Variants in CCDC180 observed in about 807,000 individuals in gnomAD.
The protein encoded by CCDC180 is coiled-coil domain-containing protein 180.
Under a neutral mutation model 209.2 loss-of-function variants are expected in CCDC180, and 154 were observed. The observed-to-expected ratio is 0.74, with a 90% confidence interval of 0.65 to 0.84. The LOEUF (loss-of-function observed/expected upper bound fraction) is 0.84. Among genes scored for constraint, CCDC180 ranks in the 40% least tolerant of loss-of-function variants. The pLI, the probability that CCDC180 is intolerant of heterozygous loss-of-function variation, is 0.00. For missense variants in CCDC180, 1,874 were observed against 1,997.3 expected, an observed-to-expected ratio of 0.94 and a Z score of 1.18; for synonymous variants, 778 against 749.1, an observed-to-expected ratio of 1.04 and a Z score of -0.63.
intron 22 of CCDC180, among the ~76,000 whole-genome samples, chr9:97,354,329 T>C (rs1826504138): frequency 6.6e-6 from 1 of 152,196 alleles, no homozygotes; most frequent in African/African-American, 2.4e-5. Context: ...GCTATTTTTA[T>C]TTCGAATTTT....
At chr9:97,353,044 T>A (rs905085291) in intron 22 of CCDC180, among the ~76,000 whole-genome samples, 1 of 152,082 alleles carries the variant, frequency 6.6e-6, no homozygotes, top group Non-Finnish European at 1.5e-5. Flanking sequence ...TCACCCAGGC[T>A]GGAATGCAGT....
intron 12 of CCDC180, 88 bp downstream of exon 12, chr9:97,323,009 TC>T: frequency 1.0e-6 from 1 of 957,326 alleles, no homozygotes; most frequent in Non-Finnish European, 1.6e-6. Context: ...TGCCTTCCCC[TC>T]CCCAGCTATG....
intron 18 of CCDC180, among the ~76,000 whole-genome samples, chr9:97,337,554 A>G (rs1179605373): frequency 6.6e-6 from 1 of 152,022 alleles, no homozygotes; most frequent in Non-Finnish European, 1.5e-5. Context: ...GTGCTGCTGG[A>G]TTCGTTTTGC....
intron 22 of CCDC180, among the ~76,000 whole-genome samples, chr9:97,353,187 C>T (rs534731241): frequency 2.2e-4 from 34 of 151,960 alleles, no homozygotes; most frequent in Admixed American, 3.9e-4. Context: ...AGTAGAGACA[C>T]GGTTTCACCA....
chr9:97,372,419 T>C (rs1244286620), intron 34 of CCDC180: 2 of 152,202 alleles, frequency 1.3e-5, no homozygotes. Flanking sequence ...AAATTCTGAG[T>C]GTGTAGACGT....
chr9:97,361,102 G>A (rs1324289528), intron 26 of CCDC180, among the ~76,000 whole-genome samples: 1 of 152,156 alleles, frequency 6.6e-6, no homozygotes, highest in Non-Finnish European at 1.5e-5. Flanking sequence ...AGGTCTCCCA[G>A]GACTTCACTC....
Position 97,309,612 on chromosome 9 carries a change from C to A in CCDC180, c.260+8C>A. On this transcript the variant is annotated splice_region_variant and intron_variant, in intron 3 of 36. Transcript: ENST00000529487. ...AAACCCTGTTCTCCACAGGTAGGTC[C>A]TGTTGTCCATGCCTCACCCCCATGC... is the stretch of plus-strand genomic sequence containing the variant. 6.4e-7 allele frequency: 1 copy of A among 1,553,048 alleles called. No homozygotes were observed. Among genetic ancestry groups the A allele is most frequent in the South Asian group, 1.2e-5 (1 of 81,964 alleles).
rs144601057 is a variant in CCDC180 at position 97,362,584 on chromosome 9, G to A, written c.3902+143G>A. On this transcript the variant is annotated intron_variant, in intron 28 of 36. Transcript: ENST00000529487. ...CTGGGACTCCACGGGGCGCAGTGAGGGGTGAGCGCCATCCTTAGTTTGCTG... is the reference window on the plus strand; with the variant it reads ...CTGGGACTCCACGGGGCGCAGTGAGAGGTGAGCGCCATCCTTAGTTTGCTG... The A allele has an allele frequency of 1.1e-3, 1,381 of 1,234,122 alleles. 20 individuals carry two copies. The African/African-American group carries it at 0.019, about 17-fold the overall frequency. The allele number at this position is 1,234,122 out of a possible 1,614,324, so 76.4% of individuals were successfully genotyped here.
At chr9:97,326,304 C>T (rs190486454) in intron 14 of CCDC180, among the ~76,000 whole-genome samples, 128 of 152,278 alleles carry the variant, frequency 8.4e-4, no homozygotes, top group Non-Finnish European at 5.4e-4. Flanking sequence ...CAGGGGGTCC[C>T]ATCTGAGCTG....
At position 97,330,548 on chromosome 9, in the gene CCDC180, C is replaced by T. The variant is rs762826712; in HGVS notation, c.2055C>T (p.Ser685=). The T allele has an allele frequency of 2.5e-6, 4 of 1,613,860 alleles. No individual in the cohort carries two copies. In the African/African-American group the frequency reaches 4.0e-5, roughly 16 times the overall value. ...KSPLHAKMDE[S]KEGSIQGLEE... is the part of the protein sequence containing the mutation. ...CACTGCATGCTAAGATGGATGAGTC[C>T]AAAGAAGGCTCTATTCAGGGACTGG... The change falls in exon 18 of 37, where the codon TCC becomes TCT. Residue 685 remains serine (S), a synonymous_variant. Coordinates refer to ENST00000529487, the MANE Select transcript of CCDC180 (RefSeq NM_020893.6).
At chr9:97,330,066 C>CAAAAAA (rs34372293) in intron 16 of CCDC180, 88 bp from the exon 17 acceptor site, 15 of 582,052 alleles carry the variant, frequency 2.6e-5, no homozygotes, top group African/African-American at 9.5e-5. Context: ...AGACTCCTCT[C>CAAAAAA]AAAAAAAAAA....
chr9:97,307,371 G>A (rs1229725679), upstream of CCDC180: 1 of 507,992 alleles, frequency 2.0e-6, no homozygotes, highest in Admixed American at 2.3e-5. Context: ...TGCCTTGAGA[G>A]GTGCTTTCTG....
Position 97,326,654 on chromosome 9 carries a change from A to G in CCDC180, c.1646A>G (p.Lys549Arg). 1 of 1,609,164 alleles carries G rather than the reference A, an allele frequency of 6.2e-7. No individual in the cohort carries two copies. Among genetic ancestry groups the G allele is most frequent in the African/African-American group, 1.3e-5 (1 of 74,958 alleles). ...FHLEKVKDYL[K>R]NMKSRYECFH... ...CTGGAAAAGGTCAAAGATTATCTGA[A>G]GAACATGAAATCCAGGTAGGCCAAC... Residue 549 changes from lysine (K) to arginine (R), a missense_variant, in exon 15 of 37, where the codon AAG becomes AGG. Coordinates refer to ENST00000529487, the MANE Select transcript of CCDC180 (RefSeq NM_020893.6).
At chr9:97,323,527 C>A (rs1833424415) in intron 12 of CCDC180, among the ~76,000 whole-genome samples, 1 of 152,148 alleles carries the variant, frequency 6.6e-6, no homozygotes, top group Admixed American at 6.5e-5. Context: ...GCCCCCACCC[C>A]CAAAGCTTAA....
Position 97,330,487 on chromosome 9 carries a change from T to C in CCDC180, c.1994T>C (p.Ile665Thr), listed in dbSNP as rs749355697. The C allele has an allele frequency of 6.2e-7, 1 of 1,614,122 alleles. No individual in the cohort carries two copies. The highest frequency in any genetic ancestry group is 8.5e-7 in the Non-Finnish European group (1 of 1,180,028). ...AACGATCAAGAAATGGAGTCCTTCA[T>C]AACTGAAGAGGTGCTGGGGCAGCAG... Reference protein sequence around the residue: ...EENDQEMESFITEEVLGQQKK... With the variant: ...EENDQEMESFTTEEVLGQQKK... The change falls in exon 18 of 37, where the codon ATA becomes ACA. Residue 665 changes from isoleucine (I) to threonine (T), a missense_variant. Coordinates refer to ENST00000529487, the MANE Select transcript of CCDC180 (RefSeq NM_020893.6).
chr9:97,349,813 C>G (rs1826372700), intron 21 of CCDC180, among the ~76,000 whole-genome samples: 1 of 152,104 alleles, frequency 6.6e-6, no homozygotes, highest in Non-Finnish European at 1.5e-5. Context: ...GTCTACGCAG[C>G]CATCAGGCAC....
In CCDC180 at chr9:97,354,494, C is replaced by T. The variant is rs1826512154; in HGVS notation, c.3003-75C>T. On this transcript the variant is annotated intron_variant, in intron 22 of 36. Coordinates refer to ENST00000529487, the MANE Select transcript of CCDC180 (RefSeq NM_020893.6). ...GGAAGCCTAGATTAAAAGTGTGTGTCAGCCACAGTATTTGGGATAGATGAG... is the reference window on the plus strand; with the variant it reads ...GGAAGCCTAGATTAAAAGTGTGTGTTAGCCACAGTATTTGGGATAGATGAG... The T allele has an allele frequency of 2.2e-5, 32 of 1,462,422 alleles. No homozygotes were observed. In the South Asian group the frequency reaches 2.3e-4, roughly 10 times the overall value. The allele number at this position is 1,462,422 out of a possible 1,614,324, so 90.6% of individuals were successfully genotyped here.
At chr9:97,363,560 T>G (rs1234764843) in intron 28 of CCDC180, 1 of 530,376 alleles carries the variant, frequency 1.9e-6, no homozygotes, top group Admixed American at 1.9e-5. Flanking sequence ...AGGGTGCCCA[T>G]CTACACTGGA....
chr9:97,343,177 T>G (rs1467955095), intron 18 of CCDC180, among the ~76,000 whole-genome samples, 163 bp from the exon 19 acceptor site: 2 of 152,154 alleles, frequency 1.3e-5, no homozygotes, highest in African/African-American at 4.8e-5. Flanking sequence ...AACTTCCCAA[T>G]TTTAAAAGCA....
Sources: gnomAD v4.1 joint callset for allele counts (sites outside exome capture counted in the v4.1 genomes callset) on GRCh38, gnomAD v4.1.1 for gene constraint, MANE v1.5 for transcripts, NCBI Gene and HGNC (gene_info 2026-07-23, HGNC 2026-07-21) for gene names.